The following CACNA1D variants were observed in gnomAD, a reference collection of about 807,000 sequenced individuals.
CACNA1D encodes calcium voltage-gated channel subunit alpha1 D.
In CACNA1D, 55 loss-of-function variants were observed where a neutral mutation model predicts 257.1. The ratio of observed to expected loss-of-function variants is 0.21; its 90% CI spans 0.17 to 0.27. The LOEUF is 0.27. Ranked by LOEUF, CACNA1D falls within the 10% of genes least tolerant of loss-of-function variation. CACNA1D has a pLI of 1.00. For missense variants in CACNA1D, 1,876 were observed against 2,784.0 expected (o/e 0.67, Z 7.34); for synonymous variants, 980 against 1,014.9 (o/e 0.97, Z 0.65).
At chr3:53,805,325 C>T (rs1363098122) in intron 45 of CACNA1D, 179 bp downstream of exon 45, 13 of 636,932 alleles carry the variant, frequency 2.0e-5, no homozygotes, top group Non-Finnish European at 2.8e-5. Flanking sequence ...CCATATCTCA[C>T]GTGATAGAGC....
chr3:53,717,219 A>G lies in CACNA1D; in HGVS notation c.1391-1082A>G, dbSNP rs547729419. 3.5e-4 allele frequency among the ~76,000 whole-genome samples: 54 copies of G among 152,304 alleles called. No individual in the cohort carries two copies. In the East Asian group the frequency reaches 4.8e-3, roughly 14 times the overall value. ...ATTCTCTTCCGTGACTTCCTCTTTT[A>G]CCTCTGCACCCCGGCAGAATTAATC... On this transcript the variant is annotated intron_variant, in intron 9 of 47. Transcript: ENST00000350061.
chr3:53,628,675 C>T (rs2093787424), intron 3 of CACNA1D, among the ~76,000 whole-genome samples: 1 of 152,072 alleles, frequency 6.6e-6, no homozygotes, highest in African/African-American at 2.4e-5. Context: ...GCAGTGTGTC[C>T]CTCCAGACAA....
intron 3 of CACNA1D, among the ~76,000 whole-genome samples, chr3:53,538,420 G>T (rs571625678): frequency 6.6e-6 from 1 of 152,284 alleles, no homozygotes; most frequent in East Asian, 1.9e-4. Context: ...GCCTCCCAAA[G>T]TGCTGGGATT....
chr3:53,548,976 A>G (rs1169325591), intron 3 of CACNA1D, among the ~76,000 whole-genome samples: 2 of 152,228 alleles, frequency 1.3e-5, no homozygotes, highest in Non-Finnish European at 2.9e-5. Flanking sequence ...TTAGTTAAAA[A>G]TAATTGATGT....
chr3:53,734,361 A>G (rs1197181856), intron 19 of CACNA1D, among the ~76,000 whole-genome samples: 1 of 152,050 alleles, frequency 6.6e-6, no homozygotes, highest in Non-Finnish European at 1.5e-5. Context: ...AAACATATAC[A>G]TACATATTTT....
At chr3:53,526,430 A>G (rs1189605833) in intron 3 of CACNA1D, among the ~76,000 whole-genome samples, 1 of 146,706 alleles carries the variant, frequency 6.8e-6, no homozygotes, top group African/African-American at 2.4e-5. Context: ...TCTTGTTACC[A>G]TGTGGTTTTA....
intron 3 of CACNA1D, among the ~76,000 whole-genome samples, chr3:53,641,794 T>A (rs1222720824): frequency 6.6e-6 from 1 of 152,160 alleles, no homozygotes; most frequent in African/African-American, 2.4e-5. Flanking sequence ...TGAGCCTAGA[T>A]GAATTCCCAG....
chr3:53,580,284 C>G (rs536887584), intron 3 of CACNA1D, among the ~76,000 whole-genome samples: 3 of 152,344 alleles, frequency 2.0e-5, no homozygotes, highest in African/African-American at 7.2e-5. Flanking sequence ...TGCTCATTCA[C>G]CCATAGTGAT....
chr3:53,519,845 T>C (rs1421975787), intron 3 of CACNA1D, among the ~76,000 whole-genome samples: 6 of 152,158 alleles, frequency 3.9e-5, no homozygotes, highest in Non-Finnish European at 8.8e-5. Flanking sequence ...AGGCAATTGC[T>C]AATCTGCTTT....
intron 40 of CACNA1D, among the ~76,000 whole-genome samples, chr3:53,799,323 C>T (rs543890044): frequency 6.6e-6 from 1 of 152,360 alleles, no homozygotes; most frequent in South Asian, 2.1e-4. Flanking sequence ...CAGTACCTTC[C>T]TCCATGCACC....
chr3:53,677,301 G>T (rs961306863), intron 8 of CACNA1D, among the ~76,000 whole-genome samples: 1 of 152,158 alleles, frequency 6.6e-6, no homozygotes, highest in African/African-American at 2.4e-5. Flanking sequence ...GAAGACTTGG[G>T]TTCCGTCCTG....
At chr3:53,536,597 C>T (rs896628833) in intron 3 of CACNA1D, among the ~76,000 whole-genome samples, 3 of 152,246 alleles carry the variant, frequency 2.0e-5, no homozygotes, top group Admixed American at 6.5e-5. Flanking sequence ...GCCAACACGG[C>T]CTTATGCCTC....
At chr3:53,803,078 C>G (rs2095544148) in intron 43 of CACNA1D, among the ~76,000 whole-genome samples, 1 of 152,104 alleles carries the variant, frequency 6.6e-6, no homozygotes, top group Non-Finnish European at 1.5e-5. Flanking sequence ...AGAGCAGATG[C>G]CCTGGGAACC....
At chr3:53,742,082 G>A (rs576746145) in intron 21 of CACNA1D, among the ~76,000 whole-genome samples, 1 of 152,272 alleles carries the variant, frequency 6.6e-6, no homozygotes, top group African/African-American at 2.4e-5. Flanking sequence ...TATCTGAGAC[G>A]ATGGTTCCTG....
intron 40 of CACNA1D, among the ~76,000 whole-genome samples, chr3:53,794,859 C>G (rs191317480): frequency 2.6e-5 from 4 of 152,334 alleles, no homozygotes; most frequent in Admixed American, 2.6e-4. Context: ...CTGACAGTGT[C>G]TTGGGATGCC....
At chr3:53,603,165 C>T (rs1187812804) in intron 3 of CACNA1D, among the ~76,000 whole-genome samples, 1 of 152,222 alleles carries the variant, frequency 6.6e-6, no homozygotes, top group African/African-American at 2.4e-5. Flanking sequence ...GAGACCTGAG[C>T]TGACACATGG....
In CACNA1D at chr3:53,753,631, C is replaced by G; in HGVS notation, c.3735C>G (p.Thr1245=). ...TGGACATTCTGAACATGGTCTTCACCGGGGTGTTCACCGTCGAGATGGTTT... is the reference window on the plus strand; with the variant it reads ...TGGACATTCTGAACATGGTCTTCACGGGGGTGTTCACCGTCGAGATGGTTT... The part of the protein sequence containing the change: ...DAMDILNMVF[T]GVFTVEMVLK... Residue 1245 remains threonine (T), a synonymous_variant, in exon 29 of 48, where the codon ACC becomes ACG. Coordinates refer to ENST00000350061, the MANE Select transcript of CACNA1D (RefSeq NM_001128840.3). 3 of 1,613,642 alleles carry G rather than the reference C, an allele frequency of 1.9e-6. No homozygotes were observed. The highest frequency in any genetic ancestry group is 8.5e-7 in the Non-Finnish European group (1 of 1,179,528).
chr3:53,685,186 T>G (rs2094464009), intron 8 of CACNA1D, among the ~76,000 whole-genome samples: 3 of 152,122 alleles, frequency 2.0e-5, no homozygotes, highest in Admixed American at 2.0e-4. Flanking sequence ...AAGTTGGACT[T>G]TAGTATAAGG....
intron 3 of CACNA1D, among the ~76,000 whole-genome samples, chr3:53,502,759 C>G (rs184858490): frequency 1.3e-5 from 2 of 152,200 alleles, no homozygotes; most frequent in Non-Finnish European, 2.9e-5. Context: ...GATTCAGAAG[C>G]CATTTCAGGA....
Sources: gnomAD v4.1 joint callset for allele counts (sites outside exome capture counted in the v4.1 genomes callset) on GRCh38, gnomAD v4.1.1 for gene constraint, MANE v1.5 for transcripts, NCBI Gene and HGNC (gene_info 2026-07-23, HGNC 2026-07-21) for gene names.